The following ELP4 variants were observed in gnomAD, a reference collection of about 807,000 sequenced individuals.
ELP4 encodes the protein elongator acetyltransferase complex subunit 4.
Under a neutral mutation model 48.9 loss-of-function variants are expected in ELP4, and 51 were observed. That is an observed-to-expected ratio of 1.04 (90% confidence interval 0.83 to 1.32). The LOEUF is 1.32. Ranked by LOEUF, ELP4 falls within the 40% of genes most tolerant of loss-of-function variation. The probability of loss-of-function intolerance (pLI) is 0.00; values close to 1 mark genes in which losing one functional copy is unlikely to be tolerated. For missense variants in ELP4, 519 were observed against 514.6 expected (o/e 1.01, Z -0.08); for synonymous variants, 210 against 189.2 (o/e 1.11, Z -0.90).
chr11:31,526,808 A>G (rs909222312), intron 2 of ELP4, among the ~76,000 whole-genome samples: 2 of 151,830 alleles, frequency 1.3e-5, no homozygotes, highest in African/African-American at 2.4e-5. Context: ...CTCTTCCACT[A>G]TATTAGTTAT....
intron 9 of ELP4, among the ~76,000 whole-genome samples, chr11:31,733,367 C>T (rs1034657491): frequency 2.6e-5 from 4 of 151,040 alleles, no homozygotes; most frequent in Non-Finnish European, 5.9e-5. Flanking sequence ...CTCCCAGCTA[C>T]TCCAGAGGCT....
chr11:31,608,421 G>A (rs1957915427), intron 5 of ELP4, among the ~76,000 whole-genome samples: 1 of 152,076 alleles, frequency 6.6e-6, no homozygotes, highest in Admixed American at 6.5e-5. Context: ...GCTTGTTTAT[G>A]ATGGGTTGTA....
intron 9 of ELP4, among the ~76,000 whole-genome samples, chr11:31,671,399 A>G (rs1945804103): frequency 6.6e-6 from 1 of 152,230 alleles, no homozygotes; most frequent in African/African-American, 2.4e-5. Flanking sequence ...AAAGGGAAGT[A>G]TGTGATTATT....
intron 3 of ELP4, among the ~76,000 whole-genome samples, chr11:31,584,273 G>T (rs1957437189): frequency 6.6e-6 from 1 of 151,852 alleles, no homozygotes; most frequent in South Asian, 2.1e-4. Flanking sequence ...CCACCTTGAG[G>T]ATAGGGCTGT....
intron 9 of ELP4, among the ~76,000 whole-genome samples, chr11:31,665,106 C>T (rs548916450): frequency 3.9e-5 from 6 of 152,198 alleles, no homozygotes; most frequent in Admixed American, 3.3e-4. Context: ...ATTTCCCAAG[C>T]GGCAGTTTGG....
intron 9 of ELP4, among the ~76,000 whole-genome samples, chr11:31,695,784 A>G (rs1946390263): frequency 9.9e-6 from 1 of 101,414 alleles, no homozygotes. Flanking sequence ...TCGGCTGTGA[A>G]TCCATCTGAT....
intron 6 of ELP4, among the ~76,000 whole-genome samples, chr11:31,631,295 A>T (rs940623684): frequency 6.6e-6 from 1 of 152,150 alleles, no homozygotes; most frequent in African/African-American, 2.4e-5. Flanking sequence ...AATTTGTTTC[A>T]TCAGAAATCA....
intron 5 of ELP4, among the ~76,000 whole-genome samples, chr11:31,611,496 C>A (rs1957978593): frequency 6.6e-6 from 1 of 152,138 alleles, no homozygotes. Context: ...CTCTCTCTCT[C>A]ATCTCACTGG....
At chr11:31,766,948 A>G (rs1229311761) in intron 9 of ELP4, among the ~76,000 whole-genome samples, 1 of 152,162 alleles carries the variant, frequency 6.6e-6, no homozygotes, top group Non-Finnish European at 1.5e-5. Context: ...TCATTTTTTC[A>G]TCATTTATTA....
chr11:31,520,069 C>T lies in ELP4; in HGVS notation c.237C>T (p.Ala79=), dbSNP rs373853950. The change falls in exon 2 of 10, where the codon GCC becomes GCT. Residue 79 remains alanine (A), a synonymous_variant. Transcript: ENST00000640961. ...TTTCATTTCCAGGTGGAGGTTTAGC[C>T]GTTGGAACAGTTCTTCTAATTGGTT... ...ALDQLLGGGL[A]VGTVLLIEED... 1.6e-5 allele frequency: 26 copies of T among 1,612,430 alleles called. No individual in the cohort carries two copies. The Middle Eastern group carries it at 6.6e-4, about 41-fold the overall frequency.
At chr11:31,588,450 C>T (rs1265889548) in intron 3 of ELP4, among the ~76,000 whole-genome samples, 1 of 152,142 alleles carries the variant, frequency 6.6e-6, no homozygotes, top group African/African-American at 2.4e-5. Context: ...GGTCTCTTAA[C>T]AACTTTGGTA....
At chr11:31,660,953 C>T (rs994155636) in intron 9 of ELP4, among the ~76,000 whole-genome samples, 1 of 151,880 alleles carries the variant, frequency 6.6e-6, no homozygotes, top group Non-Finnish European at 1.5e-5. Flanking sequence ...GTACTAAATA[C>T]AAAGAAAATA....
chr11:31,703,117 T>C (rs1946561249), intron 9 of ELP4, among the ~76,000 whole-genome samples: 1 of 152,222 alleles, frequency 6.6e-6, no homozygotes, highest in African/African-American at 2.4e-5. Context: ...GTTTACTTTG[T>C]ACTTGACTTG....
chr11:31,641,000 G>T (rs1386046954), intron 7 of ELP4, among the ~76,000 whole-genome samples: 10 of 151,926 alleles, frequency 6.6e-5, no homozygotes, highest in African/African-American at 1.9e-4. Flanking sequence ...GGAGCTTCTG[G>T]TTGTAGGCCA....
intron 5 of ELP4, among the ~76,000 whole-genome samples, chr11:31,613,020 G>A (rs1207804363): frequency 1.3e-5 from 2 of 152,282 alleles, no homozygotes; most frequent in Admixed American, 6.5e-5. Context: ...ACCACCTTTC[G>A]AGGGAAATTC....
At chr11:31,571,123 C>T (rs993923379) in intron 3 of ELP4, among the ~76,000 whole-genome samples, 2 of 152,086 alleles carry the variant, frequency 1.3e-5, no homozygotes, top group African/African-American at 4.8e-5. Context: ...TTTAACAAAC[C>T]TGCACATGTA....
intron 9 of ELP4, among the ~76,000 whole-genome samples, chr11:31,713,761 C>G (rs578020069): frequency 6.6e-6 from 1 of 152,180 alleles, no homozygotes; most frequent in African/African-American, 2.4e-5. Flanking sequence ...TTATTTTTAA[C>G]TATTATAGAA....
chr11:31,585,643 A>T (rs1957459439), intron 3 of ELP4, among the ~76,000 whole-genome samples: 1 of 152,228 alleles, frequency 6.6e-6, no homozygotes, highest in South Asian at 2.1e-4. Flanking sequence ...GAATTCAAGA[A>T]AATAAAATCA....
At chr11:31,635,417 A>G (rs1306918416) in intron 7 of ELP4, among the ~76,000 whole-genome samples, 1 of 151,974 alleles carries the variant, frequency 6.6e-6, no homozygotes, top group Non-Finnish European at 1.5e-5. Context: ...CACACAGCTA[A>G]TGAGTGGCAG....
Sources: gnomAD v4.1 joint callset for allele counts (sites outside exome capture counted in the v4.1 genomes callset) on GRCh38, gnomAD v4.1.1 for gene constraint, MANE v1.5 for transcripts, NCBI Gene and HGNC (gene_info 2026-07-23, HGNC 2026-07-21) for gene names.